The following KLHL29 variants were observed in gnomAD, a reference collection of about 807,000 sequenced individuals.
KLHL29 encodes the protein kelch like family member 29.
A neutral mutation model predicts 80.4 loss-of-function variants in KLHL29; 21 were observed. That is an observed-to-expected ratio of 0.26 (90% CI 0.19 to 0.38). The LOEUF (loss-of-function observed/expected upper bound fraction) is 0.38. KLHL29 is among the 10% of genes least tolerant of loss of function. The pLI, the probability that KLHL29 is intolerant of heterozygous loss-of-function variation, is 1.00. For missense variants in KLHL29, 867 were observed against 1,223.9 expected (o/e 0.71, Z 4.35); for synonymous variants, 511 against 526.8 (o/e 0.97, Z 0.41).
intron 3 of KLHL29, among the ~76,000 whole-genome samples, chr2:23,587,002 G>T (rs1572419204): frequency 6.6e-6 from 1 of 152,144 alleles, no homozygotes; most frequent in Admixed American, 6.6e-5. Context: ...ATTGTTGGGG[G>T]ATATAACTCT....
At chr2:23,633,975 A>G (rs1409373161) in intron 3 of KLHL29, among the ~76,000 whole-genome samples, 1 of 152,032 alleles carries the variant, frequency 6.6e-6, no homozygotes. Flanking sequence ...CAGTCTCTCT[A>G]TTAACAGGGA....
intron 5 of KLHL29, among the ~76,000 whole-genome samples, chr2:23,678,063 T>C (rs1377668735): frequency 6.6e-6 from 1 of 152,196 alleles, no homozygotes; most frequent in East Asian, 1.9e-4. Context: ...TTTATTACCA[T>C]CTCATACAGC....
chr2:23,458,622 G>T (rs1052477817), intron 1 of KLHL29, among the ~76,000 whole-genome samples: 2 of 152,202 alleles, frequency 1.3e-5, no homozygotes, highest in African/African-American at 2.4e-5. Context: ...GATGGTATGT[G>T]GCAACCTCAC....
At chr2:23,418,791 G>C (rs746972807) in intron 1 of KLHL29, among the ~76,000 whole-genome samples, 2 of 151,970 alleles carry the variant, frequency 1.3e-5, no homozygotes, top group Non-Finnish European at 2.9e-5. Flanking sequence ...CAATACGCTG[G>C]GGTTACTGTG....
At chr2:23,554,679 G>A (rs1258155464) in intron 2 of KLHL29, among the ~76,000 whole-genome samples, 1 of 152,214 alleles carries the variant, frequency 6.6e-6, no homozygotes, top group Non-Finnish European at 1.5e-5. Flanking sequence ...GAAGCATCCT[G>A]TTCCTGAGCA....
chr2:23,524,122 C>T (rs1217104530), intron 2 of KLHL29: 3 of 449,174 alleles, frequency 6.7e-6, no homozygotes, highest in African/African-American at 2.0e-5. Context: ...AGCGGAGATG[C>T]AAGTGTTCCC....
intron 1 of KLHL29, among the ~76,000 whole-genome samples, chr2:23,436,422 T>A (rs1037066379): frequency 2.0e-5 from 3 of 151,846 alleles, no homozygotes; most frequent in African/African-American, 7.3e-5. Context: ...CCTCAAAATA[T>A]GGTCTTAATT....
chr2:23,443,798 AG>A (rs1434629430), intron 1 of KLHL29, among the ~76,000 whole-genome samples: 3 of 152,246 alleles, frequency 2.0e-5, no homozygotes, highest in Non-Finnish European at 4.4e-5. Flanking sequence ...GATGAACATG[AG>A]GCGATGCCAT....
chr2:23,399,711 G>T (rs1374994919), intron 1 of KLHL29, among the ~76,000 whole-genome samples: 1 of 152,188 alleles, frequency 6.6e-6, no homozygotes, highest in Non-Finnish European at 1.5e-5. Flanking sequence ...ACCCCAGAAA[G>T]TTCCCTCCTG....
chr2:23,516,548 A>G (rs924728638), intron 2 of KLHL29, among the ~76,000 whole-genome samples: 3 of 152,266 alleles, frequency 2.0e-5, no homozygotes, highest in Admixed American at 6.5e-5. Flanking sequence ...GCCATGGCGC[A>G]GCAAGCTAGG....
chr2:23,574,670 G>A (rs1041718722), intron 3 of KLHL29, among the ~76,000 whole-genome samples: 2 of 152,094 alleles, frequency 1.3e-5, no homozygotes, highest in African/African-American at 2.4e-5. Flanking sequence ...TAAACTGTAC[G>A]CTTGAAAATG....
At chr2:23,426,584 G>A (rs765680055) in intron 1 of KLHL29, among the ~76,000 whole-genome samples, 40 of 152,188 alleles carry the variant, frequency 2.6e-4, no homozygotes, top group Non-Finnish European at 5.0e-4. Flanking sequence ...GCAAATAAAC[G>A]CCCAATCTGC....
chr2:23,489,918 C>T (rs1665046374), intron 2 of KLHL29, among the ~76,000 whole-genome samples: 1 of 152,164 alleles, frequency 6.6e-6, no homozygotes, highest in South Asian at 2.1e-4. Context: ...TACCAGGAGA[C>T]TCCTTGTCCA....
intron 1 of KLHL29, among the ~76,000 whole-genome samples, chr2:23,427,048 T>C (rs1663023789): frequency 1.3e-5 from 2 of 152,228 alleles, no homozygotes; most frequent in African/African-American, 4.8e-5. Flanking sequence ...GGCCTCTTGA[T>C]CTGGCATTTC....
rs1463289287 is a variant in KLHL29 at position 23,647,131 on chromosome 2, CT to C, written c.940+4283del. Among the ~76,000 whole-genome samples, 1 of 152,182 alleles carries C rather than the reference CT, an allele frequency of 6.6e-6. No individual in the cohort carries two copies. The highest frequency in any genetic ancestry group is 2.4e-5 in the African/African-American group (1 of 41,462). On this transcript the variant is annotated intron_variant, in intron 5 of 13. Transcript: ENST00000486442. The surrounding 1 kb of genome is among the most constrained non-coding windows in gnomAD (Gnocchi z 4.9). ...CCATTTAACTTAGGGATGGGGACCC[CT>C]TCCCTAAAAGGGAGGTGGGATGCAT... is the stretch of plus-strand genomic sequence containing the variant.
In KLHL29 at chr2:23,625,688, G is replaced by T. The variant is rs570070600; in HGVS notation, c.286-13451G>T. 3.9e-5 allele frequency among the ~76,000 whole-genome samples: 6 copies of T among 152,310 alleles called. No individual in the cohort carries two copies. The East Asian group carries it at 9.6e-4, about 24-fold the overall frequency. ...CTCAGTGTTTCTGAACGCCCACTTT[G>T]TGCAGGCTGCGTGGATCTTATGGAC... On this transcript the variant is annotated intron_variant, in intron 3 of 13. Transcript: ENST00000486442.
chr2:23,635,426 G>A (rs555169461), intron 3 of KLHL29, among the ~76,000 whole-genome samples: 3 of 152,184 alleles, frequency 2.0e-5, no homozygotes, highest in Non-Finnish European at 1.5e-5. Flanking sequence ...GTGAACCCAC[G>A]TGTCCTCTGA....
intron 2 of KLHL29, among the ~76,000 whole-genome samples, chr2:23,498,095 A>T (rs1653753): frequency 0.69 from 105,190 of 152,060 alleles, 36,719 homozygotes; most frequent in African/African-American, 0.78. Context: ...CTGTGTGTGA[A>T]AAAAGCACCA....
chr2:23,687,486 C>T (rs1351180139), intron 6 of KLHL29, among the ~76,000 whole-genome samples: 1 of 152,242 alleles, frequency 6.6e-6, no homozygotes, highest in Admixed American at 6.5e-5. Context: ...TCAAGTCACT[C>T]ACTGGCTCGT....
Sources: allele counts gnomAD v4.1 joint callset (sites outside exome capture counted in the v4.1 genomes callset), GRCh38; gene constraint gnomAD v4.1.1; non-coding constraint Gnocchi (gnomAD v3.1); transcripts MANE v1.5; gene names NCBI Gene and HGNC (gene_info 2026-07-23, HGNC 2026-07-21).